PCP4: variants seen among roughly 807,000 people sequenced by gnomAD.
PCP4 encodes the protein calmodulin regulator protein PCP4.
In PCP4, 8 loss-of-function variants were observed where a neutral mutation model predicts 10.0. The ratio of observed to expected loss-of-function variants is 0.80; its 90% CI spans 0.47 to 1.45. PCP4 has a LOEUF of 1.45. PCP4 is among the 40% of genes most tolerant of loss of function. PCP4 has a pLI of 0.00. For synonymous variants in PCP4, 21 were observed against 23.0 expected (o/e 0.91, Z 0.24); for missense variants, 54 against 74.4 (o/e 0.73, Z 1.01).
rs888009763 is a variant in PCP4, at chr21:39,928,964, T to C, written c.62-20T>C. 2 of 1,608,290 alleles carry C rather than the reference T, an allele frequency of 1.2e-6. No homozygotes were observed. The highest frequency in any genetic ancestry group is 1.7e-6 in the Non-Finnish European group (2 of 1,176,520). The stretch of plus-strand genomic sequence containing the variant: ...TTTCAGCTCAGTGATTGCCTTCTGT[T>C]TGTGTTTGTCTTGCTACAGATGGAC... On this transcript the variant is annotated intron_variant, in intron 2 of 2. Coordinates refer to ENST00000328619, the MANE Select transcript of PCP4 (RefSeq NM_006198.3).
At chr21:39,912,427 C>G (rs2087544709) in intron 2 of PCP4, among the ~76,000 whole-genome samples, 1 of 151,566 alleles carries the variant, frequency 6.6e-6, no homozygotes, top group African/African-American at 2.4e-5. Context: ...AAGTAATCCA[C>G]TTTATTTTTG....
At chr21:39,905,694 AG>A (rs2087503529) in intron 2 of PCP4, among the ~76,000 whole-genome samples, 1 of 152,216 alleles carries the variant, frequency 6.6e-6, no homozygotes, top group South Asian at 2.1e-4. Context: ...CCTTGTGGAC[AG>A]AAGCGGAGAT....
chr21:39,869,380 C>T (rs1174452713), intron 1 of PCP4, among the ~76,000 whole-genome samples: 1 of 152,252 alleles, frequency 6.6e-6, no homozygotes, highest in African/African-American at 2.4e-5. Context: ...GTAATCAGGG[C>T]AGCTCTGTAG....
intron 1 of PCP4, among the ~76,000 whole-genome samples, chr21:39,885,647 C>T (rs868580584): frequency 6.6e-6 from 1 of 152,224 alleles, no homozygotes; most frequent in African/African-American, 2.4e-5. Flanking sequence ...ACCCAAGCTG[C>T]GCTGAAGGAG....
At chr21:39,898,584 A>C in intron 2 of PCP4, 57 bp downstream of exon 2, 8 of 1,334,238 alleles carry the variant, frequency 6.0e-6, no homozygotes, top group Non-Finnish European at 7.6e-6. Context: ...AGCCCTGGGT[A>C]TGCAGCAGGT....
rs895473375 is a variant in PCP4 at position 39,905,878 on chromosome 21, C to A, written c.61+7351C>A. On this transcript the variant is annotated intron_variant, in intron 2 of 2. Transcript: ENST00000328619. ...CCTGGCTAACACGGTGAAACCCTGT[C>A]TCTACTAAAAATACAAAAAATTAGC... 2.0e-4 allele frequency among the ~76,000 whole-genome samples: 31 copies of A among 152,224 alleles called. 2 individuals carry two copies. Among genetic ancestry groups the A allele is most frequent in the Admixed American group, 1.4e-3 (22 of 15,290 alleles).
chr21:39,909,826 G>A (rs191230013), intron 2 of PCP4, among the ~76,000 whole-genome samples: 7 of 141,782 alleles, frequency 4.9e-5, no homozygotes, highest in East Asian at 2.0e-4. Flanking sequence ...ATGGAGTTTC[G>A]CTTTTGTTGC....
chr21:39,878,351 G>A (rs1408277591), intron 1 of PCP4, among the ~76,000 whole-genome samples: 1 of 152,204 alleles, frequency 6.6e-6, no homozygotes, highest in Non-Finnish European at 1.5e-5. Flanking sequence ...ATAGCACTCT[G>A]CGAATCTTAA....
intron 2 of PCP4, among the ~76,000 whole-genome samples, chr21:39,912,870 C>A (rs145144616): frequency 6.6e-6 from 1 of 152,010 alleles, no homozygotes; most frequent in Non-Finnish European, 1.5e-5. Context: ...CCACTATAAC[C>A]AGATAACTTA....
intron 1 of PCP4, among the ~76,000 whole-genome samples, chr21:39,897,773 G>A (rs144476201): frequency 6.6e-6 from 1 of 151,998 alleles, no homozygotes. Flanking sequence ...TGGGCCGGGC[G>A]CGGTGGCTCA....
intron 1 of PCP4, among the ~76,000 whole-genome samples, chr21:39,880,190 A>ATATCTG (rs2087368269): frequency 2.1e-5 from 3 of 143,620 alleles, no homozygotes. Flanking sequence ...ATCTATATCT[A>ATATCTG]TCTATATCTA....
At chr21:39,925,999 T>C (rs1601190927) in intron 2 of PCP4, 1 of 456,024 alleles carries the variant, frequency 2.2e-6, no homozygotes, top group Non-Finnish European at 4.4e-6. Context: ...CCATTTGTAC[T>C]GAACCCTGTG....
intron 2 of PCP4, among the ~76,000 whole-genome samples, chr21:39,905,288 C>T (rs1016337325): frequency 1.3e-5 from 2 of 152,046 alleles, no homozygotes; most frequent in Non-Finnish European, 2.9e-5. Context: ...GACTGATGCT[C>T]AAGAGATGGG....
At chr21:39,891,600 C>T (rs927283086) in intron 1 of PCP4, among the ~76,000 whole-genome samples, 1 of 152,180 alleles carries the variant, frequency 6.6e-6, no homozygotes, top group Non-Finnish European at 1.5e-5. Context: ...GCCTGGGGGA[C>T]CACTACCATC....
chr21:39,899,697 C>T (rs1283153452), intron 2 of PCP4, among the ~76,000 whole-genome samples: 1 of 152,164 alleles, frequency 6.6e-6, no homozygotes. Context: ...ACAAGGTTTT[C>T]CATGAGGCCA....
intron 2 of PCP4, among the ~76,000 whole-genome samples, chr21:39,921,864 A>T (rs1802590123): frequency 6.6e-6 from 1 of 152,050 alleles, no homozygotes; most frequent in African/African-American, 2.4e-5. Context: ...GCAAACTCAT[A>T]CTCTTCTCGA....
chr21:39,899,550 C>T (rs117809453), intron 2 of PCP4, among the ~76,000 whole-genome samples: 1 of 152,178 alleles, frequency 6.6e-6, no homozygotes, highest in Non-Finnish European at 1.5e-5. Context: ...TGCCAATATG[C>T]CCACCCATTT....
At chr21:39,898,636 C>T (rs887662969) in intron 2 of PCP4, 109 bp downstream of exon 2, 2 of 806,732 alleles carry the variant, frequency 2.5e-6, no homozygotes, top group Non-Finnish European at 4.1e-6. Flanking sequence ...CTATATGTGT[C>T]TGCGCTTCAG....
At chr21:39,899,754 G>C (rs568365439) in intron 2 of PCP4, among the ~76,000 whole-genome samples, 1 of 152,164 alleles carries the variant, frequency 6.6e-6, no homozygotes, top group African/African-American at 2.4e-5. Context: ...TCCTGTGTGT[G>C]AGTTGGGGTG....
Sources: allele counts gnomAD v4.1 joint callset (sites outside exome capture counted in the v4.1 genomes callset), GRCh38; gene constraint gnomAD v4.1.1; transcripts MANE v1.5; gene names NCBI Gene and HGNC (gene_info 2026-07-23, HGNC 2026-07-21).